The following NTM variants were observed in gnomAD, a reference collection of about 807,000 sequenced individuals.
NTM encodes neurotrimin.
A neutral mutation model predicts 42.1 loss-of-function variants in NTM; 13 were observed. The ratio of observed to expected loss-of-function variants is 0.31; its 90% CI spans 0.20 to 0.49. NTM has a LOEUF of 0.49. Among genes scored for constraint, NTM ranks in the 20% least tolerant of loss-of-function variants. NTM has a pLI of 0.99. For synonymous variants in NTM, 187 were observed against 179.2 expected, an observed-to-expected ratio of 1.04 and a Z score of -0.35; for missense variants, 373 against 452.8, an observed-to-expected ratio of 0.82 and a Z score of 1.60.
chr11:131,563,690 C>T (rs1359845011), intron 1 of NTM, among the ~76,000 whole-genome samples: 2 of 151,064 alleles, frequency 1.3e-5, no homozygotes, highest in Admixed American at 6.6e-5. Flanking sequence ...AACTAGGCAC[C>T]CTCTCTCTTA....
intron 1 of NTM, among the ~76,000 whole-genome samples, chr11:131,459,584 T>A (rs1459461087): frequency 6.6e-6 from 1 of 152,250 alleles, no homozygotes; most frequent in East Asian, 1.9e-4. Flanking sequence ...TGATTCACTA[T>A]GAGTAAGTCC....
intron 2 of NTM, among the ~76,000 whole-genome samples, chr11:132,143,515 A>G (rs1220799934): frequency 6.6e-6 from 1 of 152,240 alleles, no homozygotes; most frequent in African/African-American, 2.4e-5. Context: ...TTCAGTCAAT[A>G]TGGCTAATGT....
At chr11:131,872,695 T>A (rs1326321718) in intron 1 of NTM, among the ~76,000 whole-genome samples, 1 of 152,230 alleles carries the variant, frequency 6.6e-6, no homozygotes, top group East Asian at 1.9e-4. Context: ...GTGATTCATA[T>A]TTTTATATCA....
At chr11:132,105,492 G>A (rs1012653909) in intron 2 of NTM, among the ~76,000 whole-genome samples, 1 of 152,112 alleles carries the variant, frequency 6.6e-6, no homozygotes, top group Non-Finnish European at 1.5e-5. Context: ...TTAGGAAGTG[G>A]AGAAAGAAAG....
intron 1 of NTM, among the ~76,000 whole-genome samples, chr11:131,749,472 A>G (rs1280949109): frequency 6.6e-6 from 1 of 152,210 alleles, no homozygotes; most frequent in Non-Finnish European, 1.5e-5. Flanking sequence ...CAGGCAAATC[A>G]TTATTTTTCT....
At chr11:132,123,842 C>G (rs2065232861) in intron 2 of NTM, among the ~76,000 whole-genome samples, 1 of 152,108 alleles carries the variant, frequency 6.6e-6, no homozygotes, top group Admixed American at 6.5e-5. Context: ...CAGCCTTCCC[C>G]CAGATTCCAT....
intron 2 of NTM, among the ~76,000 whole-genome samples, chr11:132,044,147 CGTGTGT>C (rs567597547): frequency 2.2e-5 from 1 of 45,830 alleles, no homozygotes; most frequent in Non-Finnish European, 4.2e-5. Flanking sequence ...TGTGTATGTG[CGTGTGT>C]GTGTGTGTGT....
intron 1 of NTM, among the ~76,000 whole-genome samples, chr11:131,778,857 G>A (rs556092749): frequency 6.6e-5 from 10 of 152,294 alleles, no homozygotes; most frequent in Middle Eastern, 3.4e-3. Context: ...AGTGAAGGCC[G>A]AAACTGTGAA....
At chr11:132,180,428 GAA>G (rs879283674) in intron 3 of NTM, among the ~76,000 whole-genome samples, 2 of 151,728 alleles carry the variant, frequency 1.3e-5, no homozygotes, top group Non-Finnish European at 2.9e-5. Context: ...AGCAAAATGG[GAA>G]AAAAAGGCAC....
chr11:131,955,135 C>G (rs2061423322), intron 2 of NTM, among the ~76,000 whole-genome samples: 1 of 152,118 alleles, frequency 6.6e-6, no homozygotes, highest in African/African-American at 2.4e-5. Flanking sequence ...TCAAATTGCC[C>G]TTCAGGAAGG....
At chr11:131,772,432 A>T (rs985385866) in intron 1 of NTM, among the ~76,000 whole-genome samples, 5 of 152,214 alleles carry the variant, frequency 3.3e-5, no homozygotes, top group Non-Finnish European at 7.3e-5. Flanking sequence ...TGACCTAATC[A>T]GGTCAACCCT....
At chr11:131,656,130 C>T (rs1272065663) in intron 1 of NTM, among the ~76,000 whole-genome samples, 4 of 152,190 alleles carry the variant, frequency 2.6e-5, no homozygotes, top group African/African-American at 9.7e-5. Flanking sequence ...CCAGACCTCA[C>T]GCTCTAGGGC....
At chr11:131,761,284 A>G (rs533560263) in intron 1 of NTM, among the ~76,000 whole-genome samples, 2 of 152,180 alleles carry the variant, frequency 1.3e-5, no homozygotes, top group Admixed American at 1.3e-4. Flanking sequence ...CGGTAACTGA[A>G]ATTCAGAGGG....
intron 1 of NTM, among the ~76,000 whole-genome samples, chr11:131,793,331 C>T (rs2091181779): frequency 6.6e-6 from 1 of 152,168 alleles, no homozygotes; most frequent in Non-Finnish European, 1.5e-5. Context: ...GAAAGACCAT[C>T]TCTGTCTTTT....
intron 1 of NTM, among the ~76,000 whole-genome samples, chr11:131,504,815 C>T (rs2047285514): frequency 6.6e-6 from 1 of 152,198 alleles, no homozygotes; most frequent in South Asian, 2.1e-4. Flanking sequence ...ACCCCCTCCA[C>T]TCCTCCTGCA....
intron 2 of NTM, among the ~76,000 whole-genome samples, chr11:132,053,849 G>A (rs1463535290): frequency 6.6e-6 from 1 of 152,162 alleles, no homozygotes; most frequent in Non-Finnish European, 1.5e-5. Context: ...TCCAGGATCA[G>A]CAGCCAATTC....
rs77580516 is a variant in NTM at position 132,093,370 on chromosome 11, C to T, written c.168-52912C>T. 4.7e-3 allele frequency among the ~76,000 whole-genome samples: 716 copies of T among 152,284 alleles called. 7 individuals are homozygous for T. Among genetic ancestry groups the T allele is most frequent in the African/African-American group, 0.017 (697 of 41,546 alleles). ...CAAGGGCATGAAACACTAGAAAGAGCACAAGATTTGGAACCAGAGACTCAG... is the reference window on the plus strand; with the variant it reads ...CAAGGGCATGAAACACTAGAAAGAGTACAAGATTTGGAACCAGAGACTCAG... On this transcript the variant is annotated intron_variant, in intron 2 of 8. Coordinates refer to ENST00000683400, the MANE Select transcript of NTM (RefSeq NM_001352005.2).
At chr11:132,063,699 G>A (rs1041126307) in intron 2 of NTM, among the ~76,000 whole-genome samples, 1 of 152,188 alleles carries the variant, frequency 6.6e-6, no homozygotes, top group Admixed American at 6.5e-5. Flanking sequence ...TCTTTGTCCA[G>A]ATTCTCTTTG....
intron 1 of NTM, among the ~76,000 whole-genome samples, chr11:131,439,632 C>T (rs1344926309): frequency 6.6e-6 from 1 of 152,248 alleles, no homozygotes. Flanking sequence ...GGGATATAAT[C>T]TCCTGGTGTG....
Sources: allele counts gnomAD v4.1 joint callset (sites outside exome capture counted in the v4.1 genomes callset), GRCh38; gene constraint gnomAD v4.1.1; transcripts MANE v1.5; gene names NCBI Gene and HGNC (gene_info 2026-07-23, HGNC 2026-07-21).